CAPN5: variants seen among roughly 807,000 people sequenced by gnomAD.
The protein encoded by CAPN5 is calpain 5, also known as calpain-5.
In CAPN5, 54 loss-of-function variants were observed where a neutral mutation model predicts 73.0. The observed-to-expected ratio is 0.74, with a 90% CI of 0.59 to 0.93. The LOEUF (loss-of-function observed/expected upper bound fraction) is 0.93. Ranked by LOEUF, CAPN5 falls within the 40% of genes least tolerant of loss-of-function variation. The probability of loss-of-function intolerance (pLI) is 0.00; values close to 1 mark genes in which losing one functional copy is unlikely to be tolerated. For synonymous variants in CAPN5, 335 were observed against 356.9 expected, an observed-to-expected ratio of 0.94 and a Z score of 0.69; for missense variants, 785 against 882.9, an observed-to-expected ratio of 0.89 and a Z score of 1.41.
At chr11:77,106,289 G>T (rs1191275970) in intron 3 of CAPN5, among the ~76,000 whole-genome samples, 2 of 148,898 alleles carry the variant, frequency 1.3e-5, no homozygotes, top group African/African-American at 2.5e-5. Flanking sequence ...TCTCTCAGGG[G>T]TCTCTGCCTC....
At chr11:77,105,053 C>T (rs768085794) in intron 3 of CAPN5, among the ~76,000 whole-genome samples, 4 of 151,900 alleles carry the variant, frequency 2.6e-5, no homozygotes, top group East Asian at 1.9e-4. Flanking sequence ...AGGCCAGAAC[C>T]GTGTGCAGTG....
chr11:77,100,270 G>A (rs370000526), intron 3 of CAPN5, among the ~76,000 whole-genome samples: 1 of 152,152 alleles, frequency 6.6e-6, no homozygotes, highest in African/African-American at 2.4e-5. Flanking sequence ...GCAGAGGTCT[G>A]TGGACATCAG....
At chr11:77,085,382 T>C (rs570101097) in intron 2 of CAPN5, among the ~76,000 whole-genome samples, 1 of 152,360 alleles carries the variant, frequency 6.6e-6, no homozygotes, top group East Asian at 1.9e-4. Context: ...ATGACCATTT[T>C]TGATAAAATG....
At position 77,115,563 on chromosome 11, in the gene CAPN5, G is replaced by A. The variant is rs1555041590; in HGVS notation, c.868G>A (p.Glu290Lys). ...CCTGCGCAACCCCTGGGGCGAGCGG[G>A]AGTGGAACGGGCCCTGGAGTGACAC... The part of the protein sequence containing the change: ...IRLRNPWGER[E>K]WNGPWSDTSE... Residue 290 changes from glutamate (E) to lysine (K), a missense_variant, in exon 6 of 13, where the codon GAG becomes AAG. By Grantham distance (56) the Glu-to-Lys change is moderately conservative. Transcript: ENST00000648180. 6.2e-7 allele frequency: 1 copy of A among 1,612,098 alleles called. No individual in the cohort carries two copies. Among genetic ancestry groups the A allele is most frequent in the African/African-American group, 1.3e-5 (1 of 75,034 alleles).
chr11:77,087,197 T>C (rs1278057970), intron 2 of CAPN5, among the ~76,000 whole-genome samples: 1 of 152,202 alleles, frequency 6.6e-6, no homozygotes, highest in Non-Finnish European at 1.5e-5. Flanking sequence ...GCCTACTGGC[T>C]AGCCACAAGC....
At chr11:77,113,736 G>GGCTTATCTTCCCCACTCCACAGGA (rs6144402) in intron 4 of CAPN5, among the ~76,000 whole-genome samples, 2 of 151,998 alleles carry the variant, frequency 1.3e-5, no homozygotes, top group African/African-American at 4.8e-5. Flanking sequence ...CCTGGATGCA[G>GGCTTATCTTCCCCACTCCACAGGA]GTCGACCCAG....
At chr11:77,111,877 A>G (rs1950413394) in intron 3 of CAPN5, among the ~76,000 whole-genome samples, 1 of 152,154 alleles carries the variant, frequency 6.6e-6, no homozygotes, top group African/African-American at 2.4e-5. Flanking sequence ...GATGGACACT[A>G]AAGGACAAAT....
intron 2 of CAPN5, among the ~76,000 whole-genome samples, chr11:77,091,436 T>C (rs1180680719): frequency 6.6e-6 from 1 of 152,224 alleles, no homozygotes; most frequent in Non-Finnish European, 1.5e-5. Flanking sequence ...CATCTGCCCA[T>C]GCTGTGTGGC....
chr11:77,116,530 G>A (rs1591146377), intron 7 of CAPN5, among the ~76,000 whole-genome samples: 1 of 152,322 alleles, frequency 6.6e-6, no homozygotes, highest in South Asian at 2.1e-4. Context: ...CTGCCGAACT[G>A]AGGGGTCCTG....
At chr11:77,078,497 TGA>T (rs1949996403) in intron 1 of CAPN5, among the ~76,000 whole-genome samples, 2 of 152,242 alleles carry the variant, frequency 1.3e-5, no homozygotes, top group Non-Finnish European at 2.9e-5. Flanking sequence ...TCAGGTAGTG[TGA>T]TCCCTCCAGC....
At chr11:77,098,330 A>T (rs1206399562) in intron 3 of CAPN5, among the ~76,000 whole-genome samples, 1 of 68,650 alleles carries the variant, frequency 1.5e-5, no homozygotes, top group Non-Finnish European at 3.0e-5. Context: ...CGGGGGGCTG[A>T]CCCCCCCACC....
Position 77,119,110 on chromosome 11 carries a change from G to A in CAPN5, c.1248G>A (p.Glu416=), listed in dbSNP as rs937108378. The part of the protein sequence containing the change: ...QQRPKRSTRR[E]GKGENLAIGF... ...GGCCAAAGCGGTCTACGCGCCGGGA[G>A]GGCAAGGGTGAGAACCTGGCCATTG... The change falls in exon 9 of 13, where the codon GAG becomes GAA. Residue 416 remains glutamate, a synonymous_variant. Transcript: ENST00000648180. 1.2e-6 allele frequency: 2 copies of A among 1,613,840 alleles called. No homozygotes were observed. Among genetic ancestry groups the A allele is most frequent in the South Asian group, 1.1e-5 (1 of 90,962 alleles).
intron 1 of CAPN5, chr11:77,071,609 G>A (rs1555033076): frequency 2.2e-6 from 1 of 453,872 alleles, no homozygotes; most frequent in African/African-American, 2.0e-5. Context: ...TTATTTTACA[G>A]ATGAGAATTC....
intron 6 of CAPN5, among the ~76,000 whole-genome samples, 169 bp from the exon 7 acceptor site, chr11:77,116,057 G>A (rs1555041694): frequency 6.6e-6 from 1 of 152,174 alleles, no homozygotes; most frequent in African/African-American, 2.4e-5. Context: ...GAGACAGGCA[G>A]GGCTTCCTGG....
intron 4 of CAPN5, among the ~76,000 whole-genome samples, chr11:77,113,316 C>T (rs545278898): frequency 6.6e-6 from 1 of 152,364 alleles, no homozygotes; most frequent in African/African-American, 2.4e-5. Context: ...TCTGTGTCCC[C>T]AGTGCCCAAC....
intron 9 of CAPN5, chr11:77,120,159 C>T (rs1223773258): frequency 3.9e-5 from 6 of 152,350 alleles, no homozygotes; most frequent in African/African-American, 1.4e-4. Flanking sequence ...ACGATCCTCC[C>T]ACCTCAGTCT....
rs1202405613 is a variant in CAPN5, at chr11:77,077,415, T to A, written c.-35-7437T>A. On this transcript the variant is annotated intron_variant, in intron 1 of 12. Transcript: ENST00000648180. ...AAAAGACATATCTTTTGTCTTTTTT[T>A]AATAAGATATCACACTTTTGTCTTT... 5.9e-5 allele frequency among the ~76,000 whole-genome samples: 9 copies of A among 152,226 alleles called. No homozygotes were observed. In the South Asian group the frequency reaches 6.2e-4, roughly 11 times the overall value.
intron 1 of CAPN5, among the ~76,000 whole-genome samples, chr11:77,082,729 C>T (rs1369706123): frequency 2.6e-5 from 4 of 152,204 alleles, no homozygotes; most frequent in Non-Finnish European, 5.9e-5. Flanking sequence ...TCCCTTCCAT[C>T]CTCCCCAGGA....
intron 3 of CAPN5, among the ~76,000 whole-genome samples, chr11:77,107,000 G>C (rs1170243574): frequency 1.3e-5 from 2 of 152,192 alleles, no homozygotes; most frequent in South Asian, 2.1e-4. Flanking sequence ...GGGGGAAGGG[G>C]GACTCCCCCA....
Sources: allele counts gnomAD v4.1 joint callset (sites outside exome capture counted in the v4.1 genomes callset), GRCh38; gene constraint gnomAD v4.1.1; transcripts MANE v1.5; gene names NCBI Gene and HGNC (gene_info 2026-07-23, HGNC 2026-07-21).